Variants in GSG1L observed in about 807,000 individuals in gnomAD.
GSG1L encodes the protein GSG1 like, also known as germ cell-specific gene 1-like protein.
GSG1L carries 24 observed loss-of-function variants against 42.1 expected under a neutral mutation model. That is an observed-to-expected ratio of 0.57 (90% CI 0.41 to 0.80). The LOEUF is 0.80. GSG1L is among the 30% of genes least tolerant of loss of function. GSG1L has a pLI of 0.00. For synonymous variants in GSG1L, 215 were observed against 203.5 expected (o/e 1.06, Z -0.48); for missense variants, 445 against 472.2 (o/e 0.94, Z 0.53).
In GSG1L at chr16:27,848,683, A is replaced by G. The variant is rs189983024; in HGVS notation, c.551-3622T>C. Among the ~76,000 whole-genome samples the G allele has an allele frequency of 2.0e-5, 3 of 152,238 alleles. No homozygotes were observed. The East Asian group carries it at 5.8e-4, about 29-fold the overall frequency. On this transcript the variant is annotated intron_variant, in intron 3 of 6. Coordinates refer to ENST00000447459, the MANE Select transcript of GSG1L (RefSeq NM_001109763.2). ...TAAACATTTCCATGAAAAAACTAAA[A>G]TAGGGCCAAGTGGTGAAGAGTCCTT...
chr16:27,938,791 T>C (rs978877267), intron 2 of GSG1L, among the ~76,000 whole-genome samples: 1 of 152,226 alleles, frequency 6.6e-6, no homozygotes, highest in Non-Finnish European at 1.5e-5. Context: ...AGAACGTCCC[T>C]GATTCTGCTT....
intron 1 of GSG1L, among the ~76,000 whole-genome samples, chr16:28,023,031 G>A (rs1466326088): frequency 6.6e-6 from 1 of 151,978 alleles, no homozygotes; most frequent in Non-Finnish European, 1.5e-5. Flanking sequence ...GTCTCACTAT[G>A]TTGCCTAGGC....
chr16:27,856,596 G>C (rs2083580614), intron 3 of GSG1L, among the ~76,000 whole-genome samples: 1 of 152,242 alleles, frequency 6.6e-6, no homozygotes, highest in South Asian at 2.1e-4. Flanking sequence ...ACAGGCACAA[G>C]CCATCGCTCC....
intron 2 of GSG1L, among the ~76,000 whole-genome samples, chr16:27,947,384 A>AAAACAAAGAAAG (rs1555509991): frequency 7.7e-6 from 1 of 130,678 alleles, no homozygotes; most frequent in Non-Finnish European, 1.6e-5. Flanking sequence ...GAAAGAAAGA[A>AAAACAAAGAAAG]AAAGAAAGAA....
Position 27,791,448 on chromosome 16 carries a change from C to CATG in GSG1L, c.917_918insCAT (p.Ala306_Asp307insMet), listed in dbSNP as rs759490254. 1 of 1,505,586 alleles carries CATG rather than the reference C, an allele frequency of 6.6e-7. No individual in the cohort carries two copies. The highest frequency in any genetic ancestry group is 1.3e-5 in the South Asian group (1 of 75,874). 93.3% of individuals were successfully genotyped at this position (1,505,586 alleles called of 1,614,324 possible). On this transcript the variant is annotated inframe_insertion, in exon 7 of 7. Transcript: ENST00000447459. ...GTGCGGAGCTCCGGGGCCAGGAATC[C>CATG]GCCATGTGTGGCTGGTGTCCTGCCA...
At chr16:27,850,465 C>T (rs1230569394) in intron 3 of GSG1L, 1 of 454,280 alleles carries the variant, frequency 2.2e-6, no homozygotes, top group Non-Finnish European at 4.4e-6. Flanking sequence ...CACAATGTGC[C>T]TAGAAGAGGT....
chr16:27,890,616 G>C lies in GSG1L; in HGVS notation c.398-5978C>G, dbSNP rs552442067. On this transcript the variant is annotated intron_variant, in intron 2 of 6. Coordinates refer to ENST00000447459, the MANE Select transcript of GSG1L (RefSeq NM_001109763.2). ...CAAAGGAGAGGGAGGAGGCCACACTGGTGCCATGTTCCTAGCTTGGACACG... is the reference window on the plus strand; with the variant it reads ...CAAAGGAGAGGGAGGAGGCCACACTCGTGCCATGTTCCTAGCTTGGACACG... 1.5e-3 allele frequency among the ~76,000 whole-genome samples: 231 copies of C among 152,304 alleles called. 2 individuals carry two copies. The highest frequency in any genetic ancestry group is 5.4e-3 in the Admixed American group (82 of 15,300).
intron 1 of GSG1L, among the ~76,000 whole-genome samples, chr16:28,038,977 T>C (rs1017221630): frequency 1.4e-4 from 21 of 152,142 alleles, no homozygotes; most frequent in African/African-American, 5.1e-4. Flanking sequence ...CATATAGGGA[T>C]ACTGAGGCAC....
intron 3 of GSG1L, among the ~76,000 whole-genome samples, chr16:27,858,840 C>T (rs2083609399): frequency 6.6e-6 from 1 of 152,134 alleles, no homozygotes; most frequent in South Asian, 2.1e-4. Context: ...TTAATAAATG[C>T]TGTGAAGGCA....
chr16:27,990,792 G>C (rs1458555246), intron 1 of GSG1L, among the ~76,000 whole-genome samples: 1 of 152,204 alleles, frequency 6.6e-6, no homozygotes, highest in Non-Finnish European at 1.5e-5. Flanking sequence ...ACATATGTGT[G>C]CATGTGTCTT....
chr16:27,909,955 CTT>C (rs67729209), intron 2 of GSG1L, among the ~76,000 whole-genome samples: 26 of 129,924 alleles, frequency 2.0e-4, no homozygotes, highest in South Asian at 2.5e-4. Context: ...TCTTTTCTTT[CTT>C]TTTTTTTTTT....
At chr16:27,959,955 C>T (rs532523161) in intron 2 of GSG1L, among the ~76,000 whole-genome samples, 1 of 152,186 alleles carries the variant, frequency 6.6e-6, no homozygotes, top group South Asian at 2.1e-4. Flanking sequence ...AATAGTCAGG[C>T]AAACGAAGAA....
intron 1 of GSG1L, among the ~76,000 whole-genome samples, chr16:28,039,997 A>G (rs2086089147): frequency 6.6e-6 from 1 of 151,980 alleles, no homozygotes; most frequent in Non-Finnish European, 1.5e-5. Flanking sequence ...GGCATCACCC[A>G]CCAGCTTCTG....
chr16:27,888,568 TTTCTTTCTTTCTTTCTCC>T (rs2084082948), intron 2 of GSG1L, among the ~76,000 whole-genome samples: 1 of 136,312 alleles, frequency 7.3e-6, no homozygotes, highest in African/African-American at 2.9e-5. Context: ...TCTTTCTTTC[TTTCTTTCTTTCTTTCTCC>T]GTCTCTCTCT....
rs149648664 is a variant in GSG1L at position 28,029,824 on chromosome 16, T to A, written c.349+33252A>T. 1.4e-3 allele frequency among the ~76,000 whole-genome samples: 210 copies of A among 152,334 alleles called. 1 individual carries two copies. The highest frequency in any genetic ancestry group is 4.9e-3 in the African/African-American group (205 of 41,580). ...TTGCTGAGTCAGGATTTTACTCTGGTACTGGATATCAACTACACAACACTC... is the reference window on the plus strand; with the variant it reads ...TTGCTGAGTCAGGATTTTACTCTGGAACTGGATATCAACTACACAACACTC... On this transcript the variant is annotated intron_variant, in intron 1 of 6. Coordinates refer to ENST00000447459, the MANE Select transcript of GSG1L (RefSeq NM_001109763.2).
chr16:28,056,468 G>T (rs1382514967), intron 1 of GSG1L, among the ~76,000 whole-genome samples: 2 of 104,028 alleles, frequency 1.9e-5, no homozygotes, highest in Non-Finnish European at 3.6e-5. Context: ...GGGGCCTGCT[G>T]TTGGGTGGGG....
intron 1 of GSG1L, among the ~76,000 whole-genome samples, chr16:28,021,473 C>A (rs1282024498): frequency 6.6e-6 from 1 of 152,194 alleles, no homozygotes; most frequent in Non-Finnish European, 1.5e-5. Context: ...ATTCATCTCC[C>A]TCTAACTGAG....
chr16:27,808,904 A>T (rs567805757), intron 5 of GSG1L, among the ~76,000 whole-genome samples: 1 of 152,194 alleles, frequency 6.6e-6, no homozygotes. Context: ...CAGTGGAGGC[A>T]GGTGCATGGC....
rs2082750749 is a variant in GSG1L, at chr16:27,791,414, G to A, written c.952C>T (p.Pro318Ser). ...ACCCAGCACTGTCGGTTCAGCTCTG[G>A]TGCTTCCTGTGCGGAGCTCCGGGGC... The part of the protein sequence containing the change: ...SWPRSSAQEA[P>S]ELNRQCWVLG... Residue 318 changes from proline (P) to serine (S), a missense_variant, in exon 7 of 7, where the codon CCA becomes TCA. This residue lies in a region of GSG1L where 140 missense variants were observed against 120.6 expected (regional missense o/e 1.16). Coordinates refer to ENST00000447459, the MANE Select transcript of GSG1L (RefSeq NM_001109763.2). 1.3e-6 allele frequency: 2 copies of A among 1,528,994 alleles called. No individual in the cohort carries two copies. Among genetic ancestry groups the A allele is most frequent in the Non-Finnish European group, 1.8e-6 (2 of 1,133,804 alleles). 94.7% of individuals were successfully genotyped at this position (1,528,994 alleles called of 1,614,324 possible).
Sources: gnomAD v4.1 joint callset for allele counts (sites outside exome capture counted in the v4.1 genomes callset) on GRCh38, gnomAD v4.1.1 for gene constraint, gnomAD v4.1.1 regional missense constraint, MANE v1.5 for transcripts, NCBI Gene and HGNC (gene_info 2026-07-23, HGNC 2026-07-21) for gene names.